The following SAMD15 variants were observed in gnomAD, a reference collection of about 807,000 sequenced individuals.
The protein encoded by SAMD15 is sterile alpha motif domain containing 15.
SAMD15 carries 37 observed loss-of-function variants against 50.5 expected under a neutral mutation model. The ratio of observed to expected loss-of-function variants is 0.73; its 90% CI spans 0.56 to 0.96. The LOEUF is 0.96. Among genes scored for constraint, SAMD15 ranks in the 40% least tolerant of loss-of-function variants. The pLI, the probability that SAMD15 is intolerant of heterozygous loss-of-function variation, is 0.00. For missense variants in SAMD15, 789 were observed against 783.8 expected, an observed-to-expected ratio of 1.01 and a Z score of -0.08; for synonymous variants, 255 against 282.8, an observed-to-expected ratio of 0.90 and a Z score of 0.99.
Position 77,377,822 on chromosome 14 carries a change from T to A in SAMD15, c.404T>A (p.Leu135Gln). 1 of 1,614,138 alleles carries A rather than the reference T, an allele frequency of 6.2e-7. No individual in the cohort carries two copies. The highest frequency in any genetic ancestry group is 8.5e-7 in the Non-Finnish European group (1 of 1,180,036). Residue 135 changes from leucine (L) to glutamine (Q), a missense_variant, in exon 1 of 3, where the codon CTA becomes CAA. Transcript: ENST00000216471. ...PMDETHKESD[L>Q]EPPEEAKPNV... ...GATGAAACGCATAAAGAGTCAGACCTAGAGCCACCAGAGGAGGCTAAACCA... is the reference window on the plus strand; with the variant it reads ...GATGAAACGCATAAAGAGTCAGACCAAGAGCCACCAGAGGAGGCTAAACCA...
chr14:77,380,919 C>T (rs1325153369), intron 2 of SAMD15, among the ~76,000 whole-genome samples: 1 of 152,144 alleles, frequency 6.6e-6, no homozygotes, highest in African/African-American at 2.4e-5. Flanking sequence ...TAGGGCCCTC[C>T]ACAAGTTCTC....
intron 2 of SAMD15, among the ~76,000 whole-genome samples, chr14:77,384,058 C>T (rs1555361650): frequency 6.6e-6 from 1 of 150,962 alleles, no homozygotes; most frequent in Non-Finnish European, 1.5e-5. Context: ...CATGCTGTAG[C>T]TGTCTTCCTT....
At chr14:77,390,123 G>A (rs755024444) in intron 2 of SAMD15, among the ~76,000 whole-genome samples, 1 of 151,878 alleles carries the variant, frequency 6.6e-6, no homozygotes, top group Non-Finnish European at 1.5e-5. Context: ...AGTCTCCTGG[G>A]TAGCTGGGAT....
rs150143304 is a variant in SAMD15 at position 77,378,475 on chromosome 14, T to C, written c.1057T>C (p.Ser353Pro). The change falls in exon 1 of 3, where the codon TCA (serine) becomes CCA (proline). Residue 353 changes from serine to proline, a missense_variant. Around this residue, in one of 2 missense-constraint regions of SAMD15, gnomAD observed 770 missense variants for 745.4 expected, o/e 1.03. Coordinates refer to ENST00000216471, the MANE Select transcript of SAMD15 (RefSeq NM_001010860.4). ...KTNEETILEQ[S>P]EMMKPESPEE... is the part of the protein sequence containing the mutation. ...AAATGAGGAAACAATTCTAGAACAA[T>C]CAGAAATGATGAAACCAGAAAGTCC... 3.0e-5 allele frequency: 49 copies of C among 1,612,482 alleles called. No individual in the cohort carries two copies. In the African/African-American group the frequency reaches 6.3e-4, roughly 21 times the overall value.
chr14:77,383,607 G>A (rs1321898487), intron 2 of SAMD15, among the ~76,000 whole-genome samples: 1 of 152,134 alleles, frequency 6.6e-6, no homozygotes, highest in Non-Finnish European at 1.5e-5. Flanking sequence ...GAGGTCACTA[G>A]AGTAACATAA....
chr14:77,388,382 C>CGTGTGT (rs376913427), intron 2 of SAMD15, among the ~76,000 whole-genome samples: 5,205 of 133,098 alleles, frequency 0.039, 163 homozygotes, highest in African/African-American at 0.086. Flanking sequence ...GCCACCTGTT[C>CGTGTGT]GTGTGTGTGT....
chr14:77,383,527 A>G (rs896914780), intron 2 of SAMD15, among the ~76,000 whole-genome samples: 2 of 152,242 alleles, frequency 1.3e-5, no homozygotes, highest in African/African-American at 4.8e-5. Flanking sequence ...CTTTTATCTA[A>G]GAAATTTGAA....
intron 2 of SAMD15, among the ~76,000 whole-genome samples, chr14:77,382,143 G>A (rs1392932052): frequency 7.0e-6 from 1 of 141,856 alleles, no homozygotes; most frequent in Non-Finnish European, 1.5e-5. Flanking sequence ...TTTTTTTTTT[G>A]AGACCGAGTC....
At chr14:77,380,633 C>A in intron 2 of SAMD15, 152 bp downstream of exon 2, 1 of 610,060 alleles carries the variant, frequency 1.6e-6, no homozygotes, top group Non-Finnish European at 2.9e-6. Flanking sequence ...GTTGCCTCCT[C>A]TTTCTCCTTT....
rs1010410586 is a variant in SAMD15 at position 77,390,948 on chromosome 14, T to C, written c.1789-60T>C. The C allele has an allele frequency of 3.0e-6, 3 of 1,007,314 alleles. No homozygotes were observed. In the African/African-American group the frequency reaches 4.9e-5, roughly 16 times the overall value. 62.4% of individuals were successfully genotyped at this position (1,007,314 alleles called of 1,614,324 possible). Reference sequence around the variant, plus strand: ...AGAGGCTTAGAAAACTAAATAAACCTTCTTTGATTTGGTTGTGTTTTCAGG... The same window carrying C: ...AGAGGCTTAGAAAACTAAATAAACCCTCTTTGATTTGGTTGTGTTTTCAGG... On this transcript the variant is annotated intron_variant, in intron 2 of 2. Coordinates refer to ENST00000216471, the MANE Select transcript of SAMD15 (RefSeq NM_001010860.4).
intron 2 of SAMD15, among the ~76,000 whole-genome samples, chr14:77,385,743 G>A (rs181010533): frequency 7.2e-5 from 11 of 152,036 alleles, no homozygotes; most frequent in African/African-American, 2.7e-4. Flanking sequence ...TAAAGTTACA[G>A]GTCAGCACCT....
At chr14:77,386,857 A>G (rs191430609) in intron 2 of SAMD15, among the ~76,000 whole-genome samples, 8 of 152,350 alleles carry the variant, frequency 5.3e-5, no homozygotes, top group Non-Finnish European at 8.8e-5. Flanking sequence ...TTTGAAAACA[A>G]TGATCAACAC....
At chr14:77,382,957 C>T (rs1893963487) in intron 2 of SAMD15, among the ~76,000 whole-genome samples, 2 of 152,170 alleles carry the variant, frequency 1.3e-5, no homozygotes, top group Non-Finnish European at 2.9e-5. Flanking sequence ...CTCAGATCCA[C>T]CCGCCTCAGC....
At chr14:77,383,783 T>G (rs1330203817) in intron 2 of SAMD15, among the ~76,000 whole-genome samples, 1 of 152,092 alleles carries the variant, frequency 6.6e-6, no homozygotes, top group Non-Finnish European at 1.5e-5. Flanking sequence ...CTGGCCAACA[T>G]GGTGAAACTT....
chr14:77,387,699 G>C (rs1490983379), intron 2 of SAMD15, among the ~76,000 whole-genome samples: 1 of 151,940 alleles, frequency 6.6e-6, no homozygotes, highest in Non-Finnish European at 1.5e-5. Context: ...AGCCCACAGA[G>C]GGAATATGAG....
chr14:77,378,578 T>A lies in SAMD15; in HGVS notation c.1160T>A (p.Ile387Asn). 1 of 1,613,020 alleles carries A rather than the reference T, an allele frequency of 6.2e-7. No individual in the cohort carries two copies. The highest frequency in any genetic ancestry group is 8.5e-7 in the Non-Finnish European group (1 of 1,179,860). Residue 387 changes from isoleucine to asparagine, a missense_variant, in exon 1 of 3, where the codon ATC becomes AAC. By Grantham distance (149) the Ile-to-Asn change is moderately radical. Coordinates refer to ENST00000216471, the MANE Select transcript of SAMD15 (RefSeq NM_001010860.4). ...EETGPVLPQE[I>N]NPQVEEKTQT... The stretch of plus-strand genomic sequence containing the variant: ...ACTGGTCCAGTGCTACCACAGGAGA[T>A]CAACCCACAAGTTGAAGAGAAAACA...
intron 2 of SAMD15, among the ~76,000 whole-genome samples, chr14:77,387,972 G>A (rs778812894): frequency 3.3e-5 from 5 of 152,184 alleles, no homozygotes; most frequent in Admixed American, 6.5e-5. Context: ...GAGCCTAGGA[G>A]TTCAAGGCTG....
chr14:77,385,135 A>G (rs1893989828), intron 2 of SAMD15, among the ~76,000 whole-genome samples: 1 of 150,744 alleles, frequency 6.6e-6, no homozygotes, highest in East Asian at 2.0e-4. Flanking sequence ...GTGAGCTGAG[A>G]TCATACCACT....
rs267604065 is a variant in SAMD15, at chr14:77,391,095, G to C, written c.1876G>C (p.Gly626Arg). 8.7e-6 allele frequency: 14 copies of C among 1,613,844 alleles called. No homozygotes were observed. Among genetic ancestry groups the C allele is most frequent in the Non-Finnish European group, 1.2e-5 (14 of 1,179,826 alleles). Reference protein sequence around the residue: ...SISLPYRDIIGLYLEQKGHTG... With the variant: ...SISLPYRDIIRLYLEQKGHTG... ...CAGCCTTCCCTATAGGGATATTATC[G>C]GCTTATATTTAGAGCAAAAAGGTCA... The change falls in exon 3 of 3, where the codon GGC (glycine) becomes CGC (arginine). Residue 626 changes from glycine to arginine, a missense_variant. Gly to Arg is a moderately radical substitution (Grantham distance 125). Coordinates refer to ENST00000216471, the MANE Select transcript of SAMD15 (RefSeq NM_001010860.4).
Sources: allele counts gnomAD v4.1 joint callset (sites outside exome capture counted in the v4.1 genomes callset), GRCh38; gene constraint gnomAD v4.1.1; regional missense constraint gnomAD v4.1.1; transcripts MANE v1.5; gene names NCBI Gene and HGNC (gene_info 2026-07-23, HGNC 2026-07-21).